The following PTK2 variants were observed in gnomAD, a reference collection of about 807,000 sequenced individuals.
PTK2 encodes the protein protein tyrosine kinase 2.
PTK2 carries 45 observed loss-of-function variants against 150.1 expected under a neutral mutation model. The observed-to-expected ratio is 0.30, with a 90% confidence interval of 0.24 to 0.38. PTK2 has a LOEUF of 0.38. Ranked by LOEUF, PTK2 falls within the 10% of genes least tolerant of loss-of-function variation. The pLI is 1.00. For synonymous variants in PTK2, 432 were observed against 449.2 expected (o/e 0.96, Z 0.48); for missense variants, 919 against 1,307.3 (o/e 0.70, Z 4.58).
At chr8:140,928,431 A>T (rs1266569872) in intron 1 of PTK2, among the ~76,000 whole-genome samples, 1 of 152,220 alleles carries the variant, frequency 6.6e-6, no homozygotes, top group Non-Finnish European at 1.5e-5. Flanking sequence ...GGACCACCAT[A>T]AAGATTCAAT....
At chr8:140,677,785 C>T (rs2100014751) in intron 27 of PTK2, among the ~76,000 whole-genome samples, 1 of 152,208 alleles carries the variant, frequency 6.6e-6, no homozygotes, top group Non-Finnish European at 1.5e-5. Flanking sequence ...TTGTGTAGTG[C>T]TTTCTACTTC....
chr8:140,829,167 T>C (rs2100113770), intron 8 of PTK2, among the ~76,000 whole-genome samples: 1 of 152,248 alleles, frequency 6.6e-6, no homozygotes, highest in African/African-American at 2.4e-5. Context: ...ATTTTTCCTG[T>C]ACTATTCTTA....
At chr8:140,783,589 A>G (rs1194362318) in intron 14 of PTK2, among the ~76,000 whole-genome samples, 1 of 152,232 alleles carries the variant, frequency 6.6e-6, no homozygotes, top group Non-Finnish European at 1.5e-5. Context: ...ATTATAGACT[A>G]TACCACCTTA....
At chr8:140,824,499 T>C (rs1321307788) in intron 8 of PTK2, among the ~76,000 whole-genome samples, 3 of 152,226 alleles carry the variant, frequency 2.0e-5, no homozygotes, top group Non-Finnish European at 2.9e-5. Flanking sequence ...ACTAAAACTG[T>C]TGGCGCCTTT....
chr8:140,825,957 T>C (rs2100111526), intron 8 of PTK2, among the ~76,000 whole-genome samples: 1 of 152,206 alleles, frequency 6.6e-6, no homozygotes, highest in African/African-American at 2.4e-5. Flanking sequence ...TCTTAGTAAT[T>C]GAGGCACATA....
chr8:140,715,779 C>A (rs1262225499), intron 23 of PTK2, among the ~76,000 whole-genome samples: 2 of 138,704 alleles, frequency 1.4e-5, no homozygotes, highest in African/African-American at 5.0e-5. Context: ...TTGAAAATAT[C>A]TTTTAAAAAA....
intron 4 of PTK2, 78 bp from the exon 5 acceptor site, chr8:140,864,477 A>C (rs1186206327): frequency 1.4e-6 from 1 of 711,750 alleles, no homozygotes; most frequent in Non-Finnish European, 2.3e-6. Context: ...TAATATTGTG[A>C]GTATAGCATT....
At chr8:140,860,562 C>T (rs1349294504) in intron 5 of PTK2, among the ~76,000 whole-genome samples, 1 of 152,162 alleles carries the variant, frequency 6.6e-6, no homozygotes, top group Non-Finnish European at 1.5e-5. Flanking sequence ...GCAACCTTTG[C>T]CTCCTGGATT....
At chr8:140,700,860 A>T (rs376155914) in intron 26 of PTK2, 31 bp downstream of exon 29, 283 of 1,611,526 alleles carry the variant, frequency 1.8e-4, no homozygotes, top group Non-Finnish European at 2.3e-4. Flanking sequence ...GGGCTTAAAA[A>T]GTCAAAGAAG....
At chr8:140,866,594 C>T (rs2100139442) in intron 4 of PTK2, among the ~76,000 whole-genome samples, 1 of 152,150 alleles carries the variant, frequency 6.6e-6, no homozygotes, top group Admixed American at 6.5e-5. Flanking sequence ...ATAAATGAGT[C>T]AGTAAACACA....
chr8:140,793,671 T>G (rs1000359072), intron 12 of PTK2, among the ~76,000 whole-genome samples: 1 of 152,222 alleles, frequency 6.6e-6, no homozygotes, highest in African/African-American at 2.4e-5. Flanking sequence ...GACTAAAAGA[T>G]GAAGGGTTTC....
At chr8:140,862,591 A>T (rs1237214707) in intron 5 of PTK2, among the ~76,000 whole-genome samples, 1 of 152,104 alleles carries the variant, frequency 6.6e-6, no homozygotes, top group East Asian at 1.9e-4. Flanking sequence ...TGGGCCATGG[A>T]TCAGTACCAG....
intron 14 of PTK2, among the ~76,000 whole-genome samples, chr8:140,780,263 TA>T (rs1011703928): frequency 6.6e-5 from 10 of 152,126 alleles, no homozygotes; most frequent in African/African-American, 2.4e-4. Context: ...CAACAGCTGC[TA>T]AAACTATTAG....
At chr8:140,928,232 T>C (rs932267885) in intron 1 of PTK2, among the ~76,000 whole-genome samples, 6 of 152,132 alleles carry the variant, frequency 3.9e-5, no homozygotes, top group Admixed American at 6.5e-5. Context: ...ATCTAAAAAT[T>C]TGTATCATTA....
chr8:140,834,681 A>C (rs1490346224), intron 7 of PTK2, among the ~76,000 whole-genome samples: 1 of 152,234 alleles, frequency 6.6e-6, no homozygotes, highest in African/African-American at 2.4e-5. Flanking sequence ...TTACATAAAC[A>C]ACTAACTACA....
At chr8:140,817,849 G>A (rs1470806092) in intron 10 of PTK2, among the ~76,000 whole-genome samples, 5 of 152,032 alleles carry the variant, frequency 3.3e-5, no homozygotes, top group Non-Finnish European at 5.9e-5. Context: ...TTTTTTCTTC[G>A]AGGTAAATAA....
intron 2 of PTK2, among the ~76,000 whole-genome samples, chr8:140,899,432 C>A (rs746475654): frequency 6.6e-6 from 1 of 152,136 alleles, no homozygotes; most frequent in Non-Finnish European, 1.5e-5. Context: ...TTGATAAATT[C>A]TTGGACACAT....
At chr8:140,943,691 G>C (rs548162280) in intron 1 of PTK2, among the ~76,000 whole-genome samples, 1 of 152,190 alleles carries the variant, frequency 6.6e-6, no homozygotes, top group Non-Finnish European at 1.5e-5. Flanking sequence ...ACTTCCACCA[G>C]CAAAGCAGGA....
intron 8 of PTK2, among the ~76,000 whole-genome samples, chr8:140,828,450 G>T (rs2100113263): frequency 6.6e-6 from 1 of 152,078 alleles, no homozygotes; most frequent in African/African-American, 2.4e-5. Context: ...TAAAAATCTA[G>T]AATGTATTGG....
Sources: allele counts gnomAD v4.1 joint callset (sites outside exome capture counted in the v4.1 genomes callset), GRCh38; gene constraint gnomAD v4.1.1; transcripts MANE v1.5; gene names NCBI Gene and HGNC (gene_info 2026-07-23, HGNC 2026-07-21).